Variants in PCDH7 observed in about 807,000 individuals in gnomAD.
PCDH7 encodes protocadherin-7.
In PCDH7, 17 loss-of-function variants were observed where a neutral mutation model predicts 58.9. That is an observed-to-expected ratio of 0.29 (90% CI 0.20 to 0.43). The LOEUF (loss-of-function observed/expected upper bound fraction) is 0.43, where lower values mean the gene tolerates loss of function less well. Among genes scored for constraint, PCDH7 ranks in the 20% least tolerant of loss-of-function variants. PCDH7 has a pLI of 1.00. For synonymous variants in PCDH7, 664 were observed against 616.4 expected, an observed-to-expected ratio of 1.08 and a Z score of -1.14; for missense variants, 1,274 against 1,441.0, an observed-to-expected ratio of 0.88 and a Z score of 1.88.
At chr4:30,935,375 G>A (rs913196612) in intron 2 of PCDH7, 5 of 964,454 alleles carry the variant, frequency 5.2e-6, no homozygotes, top group Admixed American at 6.2e-5. Flanking sequence ...TTTTGAATTC[G>A]CTATTGGTTT....
intron 2 of PCDH7, among the ~76,000 whole-genome samples, chr4:30,943,052 T>C (rs1746244971): frequency 6.6e-6 from 1 of 152,010 alleles, no homozygotes; most frequent in African/African-American, 2.4e-5. Flanking sequence ...TTGCTATGGG[T>C]TTGCAAAAAC....
chr4:31,117,720 T>C (rs1294960700), intron 3 of PCDH7, among the ~76,000 whole-genome samples: 2 of 152,152 alleles, frequency 1.3e-5, no homozygotes, highest in African/African-American at 4.8e-5. Flanking sequence ...AAAAAACCAT[T>C]TGCCATATTT....
intron 3 of PCDH7, among the ~76,000 whole-genome samples, chr4:31,028,390 A>T (rs1754619310): frequency 6.6e-6 from 1 of 152,132 alleles, no homozygotes. Context: ...TTTCGAAATT[A>T]CCCAAATTGT....
At chr4:30,963,349 T>G (rs1748656731) in intron 3 of PCDH7, among the ~76,000 whole-genome samples, 1 of 152,220 alleles carries the variant, frequency 6.6e-6, no homozygotes, top group African/African-American at 2.4e-5. Flanking sequence ...TCTGTATACA[T>G]GCTTCCTCTC....
chr4:31,119,439 C>T (rs1717387798), intron 3 of PCDH7, among the ~76,000 whole-genome samples: 1 of 152,040 alleles, frequency 6.6e-6, no homozygotes, highest in Non-Finnish European at 1.5e-5. Context: ...CCATATGGGT[C>T]TGCAGCAACC....
At chr4:31,135,806 A>T (rs970209937) in intron 3 of PCDH7, among the ~76,000 whole-genome samples, 1 of 152,196 alleles carries the variant, frequency 6.6e-6, no homozygotes, top group African/African-American at 2.4e-5. Flanking sequence ...GCATTAATTC[A>T]TATCAGGTTC....
intron 1 of PCDH7, among the ~76,000 whole-genome samples, chr4:30,913,763 A>C (rs1742070230): frequency 6.6e-6 from 1 of 152,124 alleles, no homozygotes; most frequent in Non-Finnish European, 1.5e-5. Flanking sequence ...CTCTTTACCT[A>C]AGAAGGCAGT....
intron 3 of PCDH7, among the ~76,000 whole-genome samples, chr4:31,014,210 A>C (rs1303371161): frequency 6.6e-6 from 1 of 150,982 alleles, no homozygotes; most frequent in Non-Finnish European, 1.5e-5. Flanking sequence ...TCAGGGAAAC[A>C]GAAAAAAAAT....
intron 3 of PCDH7, among the ~76,000 whole-genome samples, chr4:31,049,126 T>A (rs1416079677): frequency 1.3e-5 from 2 of 152,072 alleles, no homozygotes; most frequent in Non-Finnish European, 2.9e-5. Context: ...GTTAGGTATA[T>A]CTCCTAATGC....
At chr4:30,839,865 G>A (rs1227534297) in intron 1 of PCDH7, among the ~76,000 whole-genome samples, 1 of 152,062 alleles carries the variant, frequency 6.6e-6, no homozygotes, top group African/African-American at 2.4e-5. Flanking sequence ...ATCTATTGCT[G>A]ACTCATGCAT....
rs1461211461 is a variant in PCDH7 at position 30,984,564 on chromosome 4, G to C, written c.*7+34349G>C. Among the ~76,000 whole-genome samples the C allele has an allele frequency of 3.3e-5, 5 of 152,280 alleles. No homozygotes were observed. In the South Asian group the frequency reaches 8.3e-4, roughly 25 times the overall value. ...AGGCTGTGATTCTGTGATCGTTACT[G>C]TAAGATGACTGGTGCCCCAAAGAAA... On this transcript the variant is annotated intron_variant, in intron 3 of 3. Coordinates refer to the PCDH7 transcript ENST00000509759.
chr4:30,924,480 A>C (rs1382217654), intron 2 of PCDH7, among the ~76,000 whole-genome samples: 1 of 152,240 alleles, frequency 6.6e-6, no homozygotes, highest in Non-Finnish European at 1.5e-5. Flanking sequence ...TAATGTGGGC[A>C]GGCCAGTAGT....
intron 3 of PCDH7, among the ~76,000 whole-genome samples, chr4:31,090,635 C>G (rs1336786082): frequency 2.0e-5 from 3 of 152,040 alleles, no homozygotes; most frequent in Admixed American, 6.6e-5. Context: ...TGCAGTTTCA[C>G]TAATTCGGAT....
chr4:30,865,848 G>T (rs1734815788), intron 1 of PCDH7, among the ~76,000 whole-genome samples: 1 of 151,952 alleles, frequency 6.6e-6, no homozygotes, highest in Non-Finnish European at 1.5e-5. Context: ...TGTGTTTTTT[G>T]ACCCTTGAAT....
At chr4:30,725,060 C>A in intron 1 of PCDH7, 1 of 1,003,150 alleles carries the variant, frequency 1.0e-6, no homozygotes, top group Non-Finnish European at 1.2e-6. Context: ...ATGTTATTTA[C>A]AATGCAGGAT....
exon 2 of PCDH7, chr4:30,920,306 G>C (rs754794525): frequency 1.5e-6 from 2 of 1,367,484 alleles, no homozygotes; most frequent in Non-Finnish European, 2.0e-6. Flanking sequence ...TCCACTCCCA[G>C]AGGACAACTA....
At chr4:31,115,911 G>T (rs1378844559) in intron 3 of PCDH7, among the ~76,000 whole-genome samples, 4 of 152,120 alleles carry the variant, frequency 2.6e-5, no homozygotes, top group South Asian at 2.1e-4. Context: ...GTATCCAGAG[G>T]CCTTAAGTTT....
chr4:30,753,417 A>T (rs899114784), intron 1 of PCDH7, among the ~76,000 whole-genome samples: 1 of 152,246 alleles, frequency 6.6e-6, no homozygotes, highest in African/African-American at 2.4e-5. Context: ...GAAACATAGA[A>T]GTGTATTTTC....
At chr4:30,915,667 A>G (rs6856720) in intron 1 of PCDH7, among the ~76,000 whole-genome samples, 9,660 of 151,882 alleles carry the variant, frequency 0.064, 395 homozygotes, top group East Asian at 0.14. Flanking sequence ...GGGATTATAG[A>G]CATGTACCAC....
Sources: gnomAD v4.1 joint callset for allele counts (sites outside exome capture counted in the v4.1 genomes callset) on GRCh38, gnomAD v4.1.1 for gene constraint, MANE v1.5 for transcripts, NCBI Gene and HGNC (gene_info 2026-07-23, HGNC 2026-07-21) for gene names.